RIF1: variants seen among roughly 807,000 people sequenced by gnomAD.
The protein encoded by RIF1 is telomere-associated protein RIF1.
Under a neutral mutation model 247.1 loss-of-function variants are expected in RIF1, and 45 were observed. That is an observed-to-expected ratio of 0.18 (90% CI 0.14 to 0.23). RIF1 has a LOEUF of 0.23. RIF1 is among the 10% of genes least tolerant of loss of function. RIF1 has a pLI of 1.00. For missense variants in RIF1, 2,967 were observed against 2,862.5 expected, an observed-to-expected ratio of 1.04 and a Z score of -0.83; for synonymous variants, 1,087 against 978.8, an observed-to-expected ratio of 1.11 and a Z score of -2.06.
At chr2:151,525,412 C>G in the RIF1 span, 1 of 639,902 alleles carries the variant, frequency 1.6e-6, no homozygotes, top group Admixed American at 2.7e-5. Context: ...GACCCATATT[C>G]TAGTTCTTCT....
chr2:151,424,044 A>T (rs577572675), intron 8 of RIF1, among the ~76,000 whole-genome samples: 1 of 152,302 alleles, frequency 6.6e-6, no homozygotes, highest in South Asian at 2.1e-4. Flanking sequence ...GGTACCTCAT[A>T]AAAGTGAAAT....
At chr2:151,520,014 G>T in the RIF1 span, 46 of 249,346 alleles carry the variant, frequency 1.8e-4, no homozygotes, top group Non-Finnish European at 2.4e-4. Context: ...GGTATAAAAA[G>T]TAATCACCTC....
At chr2:151,502,997 A>G (rs2065897147) in intron 11 of RIF1, 3 of 651,464 alleles carry the variant, frequency 4.6e-6, no homozygotes, top group Non-Finnish European at 8.0e-6. Flanking sequence ...TTAGTAAGTA[A>G]TATTTAGTAA....
intron 11 of RIF1, among the ~76,000 whole-genome samples, chr2:151,499,838 A>G (rs2063092943): frequency 6.6e-6 from 1 of 152,202 alleles, no homozygotes. Flanking sequence ...GTTGTTGTAG[A>G]GATGGTCAAG....
At chr2:151,414,214 A>G (rs978119647) in intron 3 of RIF1, among the ~76,000 whole-genome samples, 2 of 151,996 alleles carry the variant, frequency 1.3e-5, no homozygotes, top group African/African-American at 4.8e-5. Flanking sequence ...TGAACCTGGG[A>G]AGCAGAGGTT....
intron 8 of RIF1, among the ~76,000 whole-genome samples, chr2:151,427,838 A>G (rs1275416827): frequency 6.6e-6 from 1 of 151,450 alleles, no homozygotes; most frequent in African/African-American, 2.4e-5. Context: ...GCCGAGGTGG[A>G]CTGAGTTCAG....
At chr2:151,516,995 C>G in the RIF1 span, among the ~76,000 whole-genome samples, 1 of 152,102 alleles carries the variant, frequency 6.6e-6, no homozygotes, top group South Asian at 2.1e-4. Context: ...GAACTTTTAT[C>G]AGAGACCTGG....
chr2:151,427,501 G>A (rs1166360298), intron 8 of RIF1, among the ~76,000 whole-genome samples: 6 of 149,822 alleles, frequency 4.0e-5, no homozygotes, highest in African/African-American at 1.5e-4. Context: ...GTGAGCCACC[G>A]TGCCTGGCCT....
rs757585994 is a variant in RIF1, at chr2:151,420,322, A to G, written c.636A>G (p.Pro212=). 2 of 1,614,208 alleles carry G rather than the reference A, an allele frequency of 1.2e-6. No individual in the cohort carries two copies. Among genetic ancestry groups the G allele is most frequent in the Non-Finnish European group, 1.7e-6 (2 of 1,180,024 alleles). The stretch of plus-strand genomic sequence containing the variant: ...CAACTGCTCTGGAGATGGGAATGCC[A>G]TTATTGCTTCAGAAACAGCAAGAAA... ...RGATALEMGM[P]LLLQKQQEIA... is the part of the protein sequence containing the mutation. Residue 212 remains proline (P), a synonymous_variant, in exon 7 of 36, where the codon CCA becomes CCG. Transcript: ENST00000444746.
In RIF1 at chr2:151,464,790, T is replaced by C; in HGVS notation, c.5270T>C (p.Val1757Ala). ...TTAAAGAATACAGAAAATAATGACG[T>C]AGAGATTAGTGAAACAAAAAAGGCA... ...IGLKNTENND[V>A]EISETKKADV... Residue 1757 changes from valine (V) to alanine (A), a missense_variant, in exon 30 of 36, where the codon GTA becomes GCA. Val to Ala is a moderately conservative substitution (Grantham distance 64). Around this residue, in one of 7 missense-constraint regions of RIF1, gnomAD observed 2,028 missense variants for 1,825.6 expected, o/e 1.11. Coordinates refer to ENST00000444746, the MANE Select transcript of RIF1 (RefSeq NM_018151.5). The C allele has an allele frequency of 1.2e-6, 2 of 1,613,928 alleles. No individual in the cohort carries two copies. Among genetic ancestry groups the C allele is most frequent in the Non-Finnish European group, 1.7e-6 (2 of 1,179,936 alleles).
At chr2:151,455,438 TGATA>T (rs1246411197) in intron 22 of RIF1, among the ~76,000 whole-genome samples, 3 of 152,204 alleles carry the variant, frequency 2.0e-5, no homozygotes, top group South Asian at 2.1e-4. Context: ...ATTAAATGCA[TGATA>T]GATAGGAAAG....
intron 30 of RIF1, 51 bp from the exon 31 acceptor site, chr2:151,467,949 T>C: frequency 1.3e-6 from 2 of 1,540,658 alleles, no homozygotes; most frequent in Non-Finnish European, 1.7e-6. Flanking sequence ...TATGGTGTAA[T>C]TTTTTAAAAA....
intron 30 of RIF1, 35 bp from the exon 31 acceptor site, chr2:151,467,965 A>G (rs771990547): frequency 2.6e-6 from 4 of 1,554,694 alleles, no homozygotes; most frequent in South Asian, 1.2e-5. Context: ...AAAAACTTTA[A>G]TTTTGTTAAG....
rs563613808 is a variant in RIF1, at chr2:151,462,424, T to C, written c.3321T>C (p.Thr1107=). The part of the protein sequence containing the change: ...YSQEEPMEIP[T]LTRKPKEDSK... Reference sequence around the variant, plus strand: ...ATATTTATTTCAGGGAAATTCCTACTTTAACCAGAAAACCAAAGGAGGATT... The same window carrying C: ...ATATTTATTTCAGGGAAATTCCTACCTTAACCAGAAAACCAAAGGAGGATT... Residue 1107 remains threonine (T), a synonymous_variant, in exon 29 of 36, where the codon ACT becomes ACC. Coordinates refer to ENST00000444746, the MANE Select transcript of RIF1 (RefSeq NM_018151.5). The C allele has an allele frequency of 4.8e-5, 74 of 1,551,966 alleles. No individual in the cohort carries two copies. In the Middle Eastern group the frequency reaches 7.1e-4, roughly 15 times the overall value.
chr2:151,421,367 A>AG (rs1308725839), intron 7 of RIF1, among the ~76,000 whole-genome samples: 3 of 152,186 alleles, frequency 2.0e-5, no homozygotes, highest in African/African-American at 7.2e-5. Context: ...ATGTAGATAA[A>AG]GAACCAGACA....
rs374480238 is a variant in RIF1 at position 151,461,391 on chromosome 2, A to ATT, written c.3227+119_3227+120dup. ...GTTTAGAACTAAAATATGTGTACTA[A>ATT]TTTTTTTTTTTTTTTTTTGACACGG... On this transcript the variant is annotated intron_variant, in intron 27 of 35. Transcript: ENST00000444746. 6.4e-3 allele frequency: 4,965 copies of ATT among 769,828 alleles called. 1 individual carries two copies. The highest frequency in any genetic ancestry group is 9.2e-3 in the Middle Eastern group (24 of 2,604). The allele number at this position is 769,828 out of a possible 1,614,324, so 47.7% of individuals were successfully genotyped here.
chr2:151,468,574 T>C lies in RIF1; in HGVS notation c.6825+23T>C, dbSNP rs118002999. 1.6e-5 allele frequency: 25 copies of C among 1,605,690 alleles called. No individual in the cohort carries two copies. The East Asian group carries it at 4.5e-4, about 29-fold the overall frequency. On this transcript the variant is annotated intron_variant, in intron 32 of 35. Coordinates refer to ENST00000444746, the MANE Select transcript of RIF1 (RefSeq NM_018151.5). ...TTAGTAAGAAGTGCTTTAGTTTTCA[T>C]GTCACTTTATATTTTCATGTTCAGT...
intron 3 of RIF1, among the ~76,000 whole-genome samples, chr2:151,412,671 C>A (rs983819466): frequency 1.3e-5 from 2 of 152,140 alleles, no homozygotes; most frequent in Non-Finnish European, 2.9e-5. Context: ...TTAGTAGAGA[C>A]GGGCTTTCAC....
At chr2:151,410,379 C>G (rs1345199894) in intron 1 of RIF1, 35 bp from the exon 2 acceptor site, 21 of 1,552,146 alleles carry the variant, frequency 1.4e-5, no homozygotes, top group Non-Finnish European at 1.9e-5. Context: ...TTCCATCGGT[C>G]ACTGGATTTT....
Sources: gnomAD v4.1 joint callset for allele counts (sites outside exome capture counted in the v4.1 genomes callset) on GRCh38, gnomAD v4.1.1 for gene constraint, gnomAD v4.1.1 regional missense constraint, MANE v1.5 for transcripts, NCBI Gene and HGNC (gene_info 2026-07-23, HGNC 2026-07-21) for gene names.